The following DGKI variants were observed in gnomAD, a reference collection of about 807,000 sequenced individuals.
DGKI encodes DAG kinase iota.
A neutral mutation model predicts 147.5 loss-of-function variants in DGKI; 55 were observed. The observed-to-expected ratio is 0.37, with a 90% CI of 0.30 to 0.47. The LOEUF (loss-of-function observed/expected upper bound fraction) is 0.47, where lower values mean the gene tolerates loss of function less well. DGKI is among the 20% of genes least tolerant of loss of function. The pLI, the probability that DGKI is intolerant of heterozygous loss-of-function variation, is 1.00. For missense variants in DGKI, 1,007 were observed against 1,323.8 expected, an observed-to-expected ratio of 0.76 and a Z score of 3.71; for synonymous variants, 469 against 477.1, an observed-to-expected ratio of 0.98 and a Z score of 0.22.
chr7:137,817,691 T>C (rs1254012162), intron 1 of DGKI, among the ~76,000 whole-genome samples: 1 of 152,242 alleles, frequency 6.6e-6, no homozygotes, highest in East Asian at 1.9e-4. Context: ...CCATCACTCC[T>C]ACTGGAAAAT....
chr7:137,386,843 A>T lies in DGKI; in HGVS notation c.*4377T>A, dbSNP rs1811189527. 1 of 152,186 alleles carries T rather than the reference A, an allele frequency of 6.6e-6. No individual in the cohort carries two copies. The highest frequency in any genetic ancestry group is 2.4e-5 in the African/African-American group (1 of 41,454). The allele number at this position is 152,186 out of a possible 1,614,324, so 9.4% of individuals were successfully genotyped here. A position where few individuals can be genotyped will look rare whatever the true frequency, so the allele number is the denominator to read the frequency against. On this transcript the variant is annotated 3_prime_UTR_variant, in exon 33 of 33. Transcript: ENST00000614521. ...AAGATGCAGGCAGAAGCCATTTTAT[A>T]TTAAATAAGTGTTAAAGATTAATCA...
At chr7:137,466,984 A>C in intron 24 of DGKI, 42 bp from the exon 25 acceptor site, 1 of 1,598,404 alleles carries the variant, frequency 6.3e-7, no homozygotes, top group Non-Finnish European at 8.6e-7. Flanking sequence ...AATGTTCTGT[A>C]ATCTGGCACC....
intron 12 of DGKI, among the ~76,000 whole-genome samples, chr7:137,591,973 T>TA (rs1433035328): frequency 1.3e-5 from 2 of 151,998 alleles, no homozygotes; most frequent in East Asian, 1.9e-4. Context: ...TTCCCTGCAG[T>TA]AAAAAAGGGG....
chr7:137,588,792 TATGTGCC>T (rs1356544791), intron 12 of DGKI, among the ~76,000 whole-genome samples: 1 of 152,220 alleles, frequency 6.6e-6, no homozygotes, highest in African/African-American at 2.4e-5. Context: ...GATGCCTTTC[TATGTGCC>T]ATGCCTGAGC....
intron 10 of DGKI, among the ~76,000 whole-genome samples, chr7:137,606,372 C>A (rs551678157): frequency 4.0e-5 from 6 of 151,876 alleles, no homozygotes; most frequent in Admixed American, 3.9e-4. Context: ...AGATAGGAAT[C>A]CTTTATATCT....
chr7:137,617,064 G>A (rs1323874423), intron 8 of DGKI, among the ~76,000 whole-genome samples: 2 of 136,956 alleles, frequency 1.5e-5, no homozygotes, highest in East Asian at 2.4e-4. Flanking sequence ...ATCACTGAGA[G>A]TGAAATGGCT....
At chr7:137,744,581 A>G (rs988365952) in intron 1 of DGKI, among the ~76,000 whole-genome samples, 1 of 152,168 alleles carries the variant, frequency 6.6e-6, no homozygotes, top group Non-Finnish European at 1.5e-5. Flanking sequence ...TCTGATAAAG[A>G]CACACCAAGA....
chr7:137,387,634 C>T lies in DGKI; in HGVS notation c.*3586G>A, dbSNP rs888840949. On this transcript the variant is annotated 3_prime_UTR_variant, in exon 33 of 33. Coordinates refer to ENST00000614521, the MANE Select transcript of DGKI (RefSeq NM_001321708.2). ...AACGGATGGGGTATTTCTGACATCA[C>T]ATACAAGCAACAGTGTTCATCAGTG... 8 of 152,088 alleles carry T rather than the reference C, an allele frequency of 5.3e-5. No individual in the cohort carries two copies. Among genetic ancestry groups the T allele is most frequent in the African/African-American group, 1.9e-4 (8 of 41,408 alleles). The allele number at this position is 152,088 out of a possible 1,614,324, so 9.4% of individuals were successfully genotyped here.
chr7:137,540,224 T>G (rs185594024), intron 20 of DGKI, among the ~76,000 whole-genome samples: 4 of 152,250 alleles, frequency 2.6e-5, no homozygotes, highest in African/African-American at 7.2e-5. Context: ...CAACAAAAAT[T>G]CTACAACTAA....
chr7:137,680,532 C>G (rs957090514), intron 2 of DGKI, among the ~76,000 whole-genome samples: 1 of 152,186 alleles, frequency 6.6e-6, no homozygotes, highest in Non-Finnish European at 1.5e-5. Context: ...GTAATCCCAG[C>G]GCTTCAGGAG....
chr7:137,552,743 T>C (rs962964177), intron 19 of DGKI, among the ~76,000 whole-genome samples, 175 bp from the exon 20 acceptor site: 2 of 131,672 alleles, frequency 1.5e-5, no homozygotes, highest in Admixed American at 7.7e-5. Flanking sequence ...ACCCGGTCTC[T>C]ACTAAAAATA....
At chr7:137,554,007 C>T (rs1446300820) in intron 19 of DGKI, among the ~76,000 whole-genome samples, 1 of 152,112 alleles carries the variant, frequency 6.6e-6, no homozygotes, top group African/African-American at 2.4e-5. Flanking sequence ...ACACAGTAGT[C>T]TAGACCACTT....
At chr7:137,411,904 T>A (rs1812176441) in intron 29 of DGKI, among the ~76,000 whole-genome samples, 1 of 152,190 alleles carries the variant, frequency 6.6e-6, no homozygotes, top group Non-Finnish European at 1.5e-5. Context: ...TTTAAATTCT[T>A]CAAATGTCAG....
chr7:137,672,826 G>A (rs984798158), intron 3 of DGKI, among the ~76,000 whole-genome samples: 185 of 136,994 alleles, frequency 1.4e-3, no homozygotes, highest in Non-Finnish European at 2.2e-3. Context: ...TTTTGCCCAG[G>A]CTGGAGTGCA....
At chr7:137,642,884 G>A (rs1821680615) in intron 6 of DGKI, among the ~76,000 whole-genome samples, 2 of 149,514 alleles carry the variant, frequency 1.3e-5, no homozygotes, top group Non-Finnish European at 3.0e-5. Context: ...TTTGCTAAGT[G>A]AAGCAATTAT....
chr7:137,440,931 C>A (rs983699549), intron 28 of DGKI, among the ~76,000 whole-genome samples: 2 of 152,094 alleles, frequency 1.3e-5, no homozygotes, highest in African/African-American at 4.8e-5. Context: ...ACATTTTACT[C>A]CTCCTCACCC....
chr7:137,495,037 CA>C (rs1224646960), intron 21 of DGKI, among the ~76,000 whole-genome samples: 1 of 151,762 alleles, frequency 6.6e-6, no homozygotes, highest in African/African-American at 2.4e-5. Context: ...CATCACAGAT[CA>C]AAAAAGACAA....
At chr7:137,789,611 A>C (rs1384766658) in intron 1 of DGKI, among the ~76,000 whole-genome samples, 1 of 152,168 alleles carries the variant, frequency 6.6e-6, no homozygotes, top group African/African-American at 2.4e-5. Context: ...TTTTAAATGA[A>C]GGAGGAAAAA....
intron 20 of DGKI, 120 bp downstream of exon 20, chr7:137,552,249 T>C: frequency 3.1e-6 from 3 of 963,980 alleles, no homozygotes; most frequent in Non-Finnish European, 4.7e-6. Flanking sequence ...AAGGAACTAC[T>C]GAGTCTCCTG....
Sources: allele counts gnomAD v4.1 joint callset (sites outside exome capture counted in the v4.1 genomes callset), GRCh38; gene constraint gnomAD v4.1.1; transcripts MANE v1.5; gene names NCBI Gene and HGNC (gene_info 2026-07-23, HGNC 2026-07-21).